The following DDX10 variants were observed in gnomAD, a reference collection of about 807,000 sequenced individuals.
DDX10 encodes DEAD-box helicase 10, also known as probable ATP-dependent RNA helicase DDX10.
Under a neutral mutation model 104.3 loss-of-function variants are expected in DDX10, and 74 were observed. The observed-to-expected ratio is 0.71, with a 90% confidence interval of 0.59 to 0.86. The LOEUF (loss-of-function observed/expected upper bound fraction) is 0.86. Ranked by LOEUF, DDX10 falls within the 40% of genes least tolerant of loss-of-function variation. The probability of loss-of-function intolerance (pLI) is 0.00; values close to 1 mark genes in which losing one functional copy is unlikely to be tolerated. For missense variants in DDX10, 952 were observed against 1,040.0 expected (o/e 0.92, Z 1.16); for synonymous variants, 351 against 353.4 (o/e 0.99, Z 0.08).
At chr11:108,924,789 C>T (rs955065363) in intron 17 of DDX10, among the ~76,000 whole-genome samples, 15 of 152,168 alleles carry the variant, frequency 9.9e-5, no homozygotes, top group South Asian at 2.1e-4. Flanking sequence ...AAACAATGTT[C>T]TCAGAAGCCA....
intron 2 of DDX10, among the ~76,000 whole-genome samples, chr11:108,675,384 A>C (rs974573185): frequency 6.6e-6 from 1 of 152,160 alleles, no homozygotes; most frequent in Non-Finnish European, 1.5e-5. Context: ...TTCTTCTCAT[A>C]AAGACACCGT....
At chr11:108,861,729 A>G (rs78928762) in intron 16 of DDX10, among the ~76,000 whole-genome samples, 6,685 of 152,072 alleles carry the variant, frequency 0.044, 411 homozygotes, top group African/African-American at 0.13. Context: ...CATGGGGTGT[A>G]TTTACTTTGT....
intron 17 of DDX10, among the ~76,000 whole-genome samples, chr11:108,923,757 A>C (rs1037885320): frequency 6.6e-6 from 1 of 152,180 alleles, no homozygotes; most frequent in African/African-American, 2.4e-5. Flanking sequence ...GAACATGGAG[A>C]CCACATAAGT....
intron 13 of DDX10, among the ~76,000 whole-genome samples, chr11:108,734,529 C>T (rs1432013087): frequency 1.3e-5 from 2 of 151,978 alleles, no homozygotes; most frequent in African/African-American, 4.8e-5. Flanking sequence ...TGTAAATTTT[C>T]AGTGGAAAGC....
At chr11:108,672,069 A>G (rs2094217839) in intron 1 of DDX10, among the ~76,000 whole-genome samples, 1 of 151,178 alleles carries the variant, frequency 6.6e-6, no homozygotes, top group Non-Finnish European at 1.5e-5. Flanking sequence ...TCGGAAAAAA[A>G]AAAAAAAAAA....
chr11:108,668,512 A>G (rs1183837732), intron 1 of DDX10, among the ~76,000 whole-genome samples: 1 of 152,212 alleles, frequency 6.6e-6, no homozygotes, highest in Non-Finnish European at 1.5e-5. Context: ...AATTATTTGA[A>G]TAGCAGGATT....
chr11:108,934,921 C>G (rs1352843747), intron 17 of DDX10, among the ~76,000 whole-genome samples: 1 of 152,230 alleles, frequency 6.6e-6, no homozygotes, highest in Non-Finnish European at 1.5e-5. Context: ...ACACGTGACA[C>G]TCTCCTCTGT....
chr11:108,665,585 T>C (rs2094209088), intron 1 of DDX10, among the ~76,000 whole-genome samples: 1 of 152,074 alleles, frequency 6.6e-6, no homozygotes, highest in African/African-American at 2.4e-5. Flanking sequence ...AATGCTGTAA[T>C]AGCTACAGTC....
At chr11:108,682,602 CCTTTA>C (rs2094237083) in intron 6 of DDX10, among the ~76,000 whole-genome samples, 1 of 151,868 alleles carries the variant, frequency 6.6e-6, no homozygotes, top group South Asian at 2.1e-4. Context: ...TATTTGGGTC[CCTTTA>C]CTTCTTCCTA....
intron 15 of DDX10, 29 bp from the exon 16 acceptor site, chr11:108,852,124 C>G (rs10890899): frequency 0.58 from 906,478 of 1,574,202 alleles, 271,722 homozygotes; most frequent in Non-Finnish European, 0.62. Flanking sequence ...TTATATGCTG[C>G]TAATTTTTCT....
intron 17 of DDX10, 125 bp from the exon 18 acceptor site, chr11:108,940,121 T>C (rs1864087543): frequency 2.0e-6 from 2 of 1,011,798 alleles, no homozygotes; most frequent in African/African-American, 3.3e-5. Flanking sequence ...GATATCTTGA[T>C]GTTGCCATGG....
intron 7 of DDX10, among the ~76,000 whole-genome samples, chr11:108,689,400 C>T (rs1448760025): frequency 1.3e-5 from 2 of 152,050 alleles, no homozygotes; most frequent in Non-Finnish European, 2.9e-5. Context: ...ATGAATATAC[C>T]ATTTATTTCC....
intron 9 of DDX10, among the ~76,000 whole-genome samples, chr11:108,704,815 G>C (rs573433581): frequency 6.6e-6 from 1 of 152,284 alleles, no homozygotes; most frequent in African/African-American, 2.4e-5. Flanking sequence ...TCTGTCCCCT[G>C]TCTGTTGACT....
chr11:108,826,015 A>G (rs544668011), intron 13 of DDX10, among the ~76,000 whole-genome samples: 1 of 148,990 alleles, frequency 6.7e-6, no homozygotes, highest in African/African-American at 2.4e-5. Context: ...CAAGTATTTC[A>G]TAAAAATTAA....
chr11:108,723,536 G>A, intron 13 of DDX10, 74 bp downstream of exon 13: 1 of 1,426,270 alleles, frequency 7.0e-7, no homozygotes, highest in African/African-American at 1.4e-5. Flanking sequence ...TTTGGGGACT[G>A]AGAGAAAGTG....
At chr11:108,908,458 G>A (rs1441327668) in intron 16 of DDX10, among the ~76,000 whole-genome samples, 1 of 152,102 alleles carries the variant, frequency 6.6e-6, no homozygotes, top group Non-Finnish European at 1.5e-5. Context: ...AAGACTTTAA[G>A]TCCTAAATGG....
At chr11:108,698,821 G>T (rs2094263440) in intron 9 of DDX10, among the ~76,000 whole-genome samples, 1 of 152,202 alleles carries the variant, frequency 6.6e-6, no homozygotes, top group Admixed American at 6.5e-5. Flanking sequence ...CAGTTTGCTA[G>T]TATTCTCCCC....
At chr11:108,884,204 TC>T (rs1287259160) in intron 16 of DDX10, among the ~76,000 whole-genome samples, 1 of 152,214 alleles carries the variant, frequency 6.6e-6, no homozygotes, top group Non-Finnish European at 1.5e-5. Context: ...TTACATATCT[TC>T]ATCCTGATTT....
chr11:108,758,747 C>A (rs1466910084), intron 13 of DDX10, among the ~76,000 whole-genome samples: 1 of 152,052 alleles, frequency 6.6e-6, no homozygotes, highest in Admixed American at 6.6e-5. Flanking sequence ...TTTTAAGGAT[C>A]CTTTTGACTT....
Sources: gnomAD v4.1 joint callset for allele counts (sites outside exome capture counted in the v4.1 genomes callset) on GRCh38, gnomAD v4.1.1 for gene constraint, MANE v1.5 for transcripts, NCBI Gene and HGNC (gene_info 2026-07-23, HGNC 2026-07-21) for gene names.